The following LEMD1 variants were observed in gnomAD, a reference collection of about 807,000 sequenced individuals.
LEMD1 encodes LEM domain containing 1, also known as LEM domain-containing protein 1.
In LEMD1, 18 loss-of-function variants were observed where a neutral mutation model predicts 17.4. The observed-to-expected ratio is 1.04, with a 90% CI of 0.72 to 1.54. The LOEUF is 1.54. LEMD1 is among the 40% of genes most tolerant of loss of function. The probability of loss-of-function intolerance (pLI) is 0.00; values close to 1 mark genes in which losing one functional copy is unlikely to be tolerated. For missense variants in LEMD1, 195 were observed against 210.4 expected (o/e 0.93, Z 0.45); for synonymous variants, 88 against 77.8 (o/e 1.13, Z -0.69).
intron 4 of LEMD1, among the ~76,000 whole-genome samples, chr1:205,406,045 T>A (rs1360401270): frequency 2.6e-5 from 4 of 152,236 alleles, no homozygotes; most frequent in East Asian, 3.8e-4. Context: ...AATGCTGCTG[T>A]CTGATCGTTC....
At chr1:205,429,513 G>A (rs1003692823) in intron 1 of LEMD1, among the ~76,000 whole-genome samples, 2 of 152,174 alleles carry the variant, frequency 1.3e-5, no homozygotes, top group African/African-American at 4.8e-5. Context: ...GAGAAATCTG[G>A]AATTAGAACA....
intron 1 of LEMD1, among the ~76,000 whole-genome samples, chr1:205,432,569 A>G (rs1666140557): frequency 6.6e-6 from 1 of 152,226 alleles, no homozygotes; most frequent in Admixed American, 6.5e-5. Flanking sequence ...GAGGAGAGGA[A>G]TTTGGGAACA....
At chr1:205,391,832 G>A (rs1465444320) in intron 4 of LEMD1, among the ~76,000 whole-genome samples, 1 of 152,128 alleles carries the variant, frequency 6.6e-6, no homozygotes, top group African/African-American at 2.4e-5. Context: ...AGAAGGCCGG[G>A]TGTGGTGGCT....
rs536137147 is a variant in LEMD1, at chr1:205,391,408, T to C, written c.271-7044A>G. ...GTCCTGGACTGGGAGCTGGAGGAGCTGACAACCTGGAAACACCAAGGGATG... is the reference window on the plus strand; with the variant it reads ...GTCCTGGACTGGGAGCTGGAGGAGCCGACAACCTGGAAACACCAAGGGATG... On this transcript the variant is annotated intron_variant, in intron 4 of 5. Coordinates refer to ENST00000367153, the MANE Select transcript of LEMD1 (RefSeq NM_001199050.2). 4.0e-5 allele frequency among the ~76,000 whole-genome samples: 6 copies of C among 151,562 alleles called. No homozygotes were observed. In the East Asian group the frequency reaches 1.2e-3, roughly 29 times the overall value.
chr1:205,419,390 T>A, intron 2 of LEMD1, 38 bp from the exon 3 acceptor site: 1 of 1,612,186 alleles, frequency 6.2e-7, no homozygotes, highest in Non-Finnish European at 8.5e-7. Context: ...AATTGTTCTG[T>A]TTTTTGTATA....
chr1:205,391,189 G>C (rs1664314201), intron 4 of LEMD1, among the ~76,000 whole-genome samples: 1 of 151,994 alleles, frequency 6.6e-6, no homozygotes. Flanking sequence ...AACAGTATTG[G>C]GAACAAATTG....
At chr1:205,440,251 G>A (rs1160644316) in intron 1 of LEMD1, among the ~76,000 whole-genome samples, 1 of 152,192 alleles carries the variant, frequency 6.6e-6, no homozygotes, top group African/African-American at 2.4e-5. Flanking sequence ...ATGAACACGG[G>A]TGGGTCAGGG....
At chr1:205,396,246 T>G (rs1223223736) in intron 4 of LEMD1, among the ~76,000 whole-genome samples, 1 of 152,140 alleles carries the variant, frequency 6.6e-6, no homozygotes, top group African/African-American at 2.4e-5. Context: ...AACTCCTTAT[T>G]TGAACTCCTT....
At chr1:205,423,433 A>G (rs1256645469), upstream of LEMD1, among the ~76,000 whole-genome samples, 2 of 152,268 alleles carry the variant, frequency 1.3e-5, no homozygotes, top group African/African-American at 4.8e-5. Flanking sequence ...ACAAAAAAGC[A>G]GCCAGCAGGT....
chr1:205,381,790 G>A lies in LEMD1; in HGVS notation c.414C>T (p.Cys138=), dbSNP rs750805180. The change falls in exon 6 of 6, where the codon TGC becomes TGT. Residue 138 remains cysteine, a synonymous_variant. Transcript: ENST00000367153. ...AGCTCTCGATAGTCTGGTCTTCCGC[G>A]CAGTAGTCTCTCTCTTTGGTGATAG... ...YGTITKERDY[C]AEDQTIESWR... 1.9e-5 allele frequency: 31 copies of A among 1,613,984 alleles called. No homozygotes were observed. The highest frequency in any genetic ancestry group is 1.8e-4 in the East Asian group (8 of 44,898).
intron 1 of LEMD1, among the ~76,000 whole-genome samples, chr1:205,434,060 A>T (rs1236706676): frequency 1.3e-5 from 2 of 151,714 alleles, no homozygotes; most frequent in African/African-American, 4.8e-5. Flanking sequence ...ACATGATATA[A>T]TAATTCTTGT....
intron 5 of LEMD1, 51 bp downstream of exon 5, chr1:205,384,237 C>A: frequency 1.8e-6 from 2 of 1,103,032 alleles, no homozygotes; most frequent in Non-Finnish European, 2.5e-6. Flanking sequence ...TTTTCCAGAG[C>A]TACAGAATAC....
chr1:205,442,471 C>T (rs1445143967), intron 1 of LEMD1, among the ~76,000 whole-genome samples: 2 of 152,206 alleles, frequency 1.3e-5, no homozygotes, highest in African/African-American at 2.4e-5. Flanking sequence ...GGAAAAACTT[C>T]CTTCGTGTTT....
intron 5 of LEMD1, 66 bp from the exon 6 acceptor site, chr1:205,381,922 G>A: frequency 2.6e-5 from 39 of 1,522,734 alleles, no homozygotes; most frequent in Non-Finnish European, 3.3e-5. Context: ...GCCCCTTAAA[G>A]TGTGTGGGTC....
At chr1:205,403,017 A>T (rs546260581) in intron 4 of LEMD1, among the ~76,000 whole-genome samples, 140 of 151,860 alleles carry the variant, frequency 9.2e-4, no homozygotes, top group African/African-American at 3.3e-3. Context: ...TGATTTGCGT[A>T]TATTGAACCA....
chr1:205,414,263 A>G (rs4951218), intron 4 of LEMD1, among the ~76,000 whole-genome samples: 2 of 151,598 alleles, frequency 1.3e-5, no homozygotes, highest in Non-Finnish European at 2.9e-5. Context: ...CAAACACAGG[A>G]GGATTTTGCA....
intron 4 of LEMD1, among the ~76,000 whole-genome samples, chr1:205,396,883 A>G (rs773818689): frequency 1.4e-4 from 22 of 152,212 alleles, no homozygotes; most frequent in Admixed American, 1.3e-4. Context: ...TTATTTTTCA[A>G]TCTTTTGGGT....
intron 4 of LEMD1, among the ~76,000 whole-genome samples, chr1:205,399,413 A>G (rs1230515550): frequency 6.6e-6 from 1 of 152,198 alleles, no homozygotes; most frequent in Non-Finnish European, 1.5e-5. Flanking sequence ...ATAGAGATGT[A>G]TGTGTGTATA....
In LEMD1 at chr1:205,402,579, T is replaced by G. The variant is rs560029549; in HGVS notation, c.270+13653A>C. 7.2e-4 allele frequency among the ~76,000 whole-genome samples: 109 copies of G among 152,360 alleles called. 1 individual carries two copies. Among genetic ancestry groups the G allele is most frequent in the Middle Eastern group, 3.4e-3 (1 of 294 alleles). ...CCTGAGACTTTGCTGAAGTTGCTTA[T>G]CAGCTTAAGGAGATTTTTGGGCTGA... On this transcript the variant is annotated intron_variant, in intron 4 of 5. Coordinates refer to ENST00000367153, the MANE Select transcript of LEMD1 (RefSeq NM_001199050.2).
Sources: allele counts gnomAD v4.1 joint callset (sites outside exome capture counted in the v4.1 genomes callset), GRCh38; gene constraint gnomAD v4.1.1; transcripts MANE v1.5; gene names NCBI Gene and HGNC (gene_info 2026-07-23, HGNC 2026-07-21).